SV2C: variants seen among roughly 807,000 people sequenced by gnomAD.
SV2C encodes the protein synaptic vesicle glycoprotein 2C.
SV2C carries 49 observed loss-of-function variants against 79.7 expected under a neutral mutation model. That is an observed-to-expected ratio of 0.61 (90% CI 0.49 to 0.78). SV2C has a LOEUF of 0.78. Among genes scored for constraint, SV2C ranks in the 30% least tolerant of loss-of-function variants. SV2C has a pLI of 0.00. For synonymous variants in SV2C, 334 were observed against 333.2 expected, an observed-to-expected ratio of 1.00 and a Z score of -0.03; for missense variants, 833 against 912.9, an observed-to-expected ratio of 0.91 and a Z score of 1.13.
intron 10 of SV2C, among the ~76,000 whole-genome samples, chr5:76,300,186 T>TATTA (rs1291235526): frequency 6.7e-6 from 1 of 148,678 alleles, no homozygotes; most frequent in Non-Finnish European, 1.5e-5. Flanking sequence ...TTATTATTAT[T>TATTA]ATTATTTTTG....
chr5:76,298,826 T>A lies in SV2C; in HGVS notation c.1535T>A (p.Phe512Tyr), dbSNP rs1304590120. Residue 512 changes from phenylalanine to tyrosine, a missense_variant, in exon 10 of 13, where the codon TTC becomes TAC. Physicochemically the swap from Phe to Tyr is conservative, Grantham distance 22. Coordinates refer to ENST00000502798, the MANE Select transcript of SV2C (RefSeq NM_014979.4). ...FIGVKFKSVT[F>Y]KDSVFKSCTF... The stretch of plus-strand genomic sequence containing the variant: ...GGGGTCAAGTTCAAATCTGTAACTT[T>A]CAAAGACTCTGTTTTTAAGTCCTGC... The A allele has an allele frequency of 1.2e-6, 2 of 1,613,866 alleles. No homozygotes were observed. Among genetic ancestry groups the A allele is most frequent in the African/African-American group, 2.7e-5 (2 of 74,922 alleles).
intron 1 of SV2C, among the ~76,000 whole-genome samples, chr5:76,107,400 A>T (rs1449478599): frequency 6.6e-6 from 1 of 152,240 alleles, no homozygotes; most frequent in Non-Finnish European, 1.5e-5. Context: ...TGCTGCCATG[A>T]AATACTGACT....
the SV2C span, among the ~76,000 whole-genome samples, chr5:76,037,209 A>C: frequency 2.0e-5 from 3 of 152,154 alleles, no homozygotes; most frequent in African/African-American, 7.2e-5. Context: ...CATAGCTCGG[A>C]GTAATTTGAT....
At chr5:76,071,965 T>C in the SV2C span, among the ~76,000 whole-genome samples, 1 of 152,188 alleles carries the variant, frequency 6.6e-6, no homozygotes, top group African/African-American at 2.4e-5. Context: ...CTATAAATCA[T>C]CTGGATACAG....
chr5:76,049,254 G>A, the SV2C span, among the ~76,000 whole-genome samples: 30 of 150,556 alleles, frequency 2.0e-4, no homozygotes, highest in African/African-American at 7.1e-4. Flanking sequence ...GGAGAATGGC[G>A]TGAACCCGGG....
At chr5:76,061,811 ACTTT>A in the SV2C span, among the ~76,000 whole-genome samples, 1 of 152,118 alleles carries the variant, frequency 6.6e-6, no homozygotes, top group Non-Finnish European at 1.5e-5. Context: ...TTCATTTGAA[ACTTT>A]CTTTCTAAAA....
chr5:75,898,756 G>C, the SV2C span, among the ~76,000 whole-genome samples: 3,246 of 152,180 alleles, frequency 0.021, 52 homozygotes, highest in South Asian at 0.04. Flanking sequence ...TCCTGTTATT[G>C]GTCTATTCAG....
chr5:76,261,339 T>G (rs565044450), intron 4 of SV2C, among the ~76,000 whole-genome samples: 83 of 152,328 alleles, frequency 5.4e-4, no homozygotes, highest in African/African-American at 1.9e-3. Context: ...AAGGAGTTTT[T>G]GGGCTGAGAC....
At chr5:76,226,977 A>G (rs1745267291) in intron 4 of SV2C, among the ~76,000 whole-genome samples, 2 of 152,120 alleles carry the variant, frequency 1.3e-5, no homozygotes, top group African/African-American at 2.4e-5. Context: ...CCAGAGAGAG[A>G]AAGAGCTTGG....
intron 4 of SV2C, among the ~76,000 whole-genome samples, chr5:76,250,949 G>A (rs11955259): frequency 0.047 from 7,087 of 151,998 alleles, 549 homozygotes; most frequent in African/African-American, 0.16. Flanking sequence ...AGTTACTTAC[G>A]ATCTGAAAAC....
At chr5:75,964,050 C>T in the SV2C span, among the ~76,000 whole-genome samples, 3 of 152,088 alleles carry the variant, frequency 2.0e-5, no homozygotes, top group Admixed American at 2.0e-4. Context: ...TCTTTGAGGA[C>T]ATTACAAGGG....
the SV2C span, among the ~76,000 whole-genome samples, chr5:75,985,978 C>T: frequency 6.6e-6 from 1 of 151,382 alleles, no homozygotes; most frequent in African/African-American, 2.4e-5. Context: ...AGGATAATCA[C>T]GTGTTTGTAT....
the SV2C span, among the ~76,000 whole-genome samples, chr5:76,037,384 C>T: frequency 7.4e-3 from 1,119 of 152,208 alleles, 17 homozygotes; most frequent in African/African-American, 0.026. Context: ...GTTTTATCTA[C>T]TTTTGGTCTT....
chr5:76,255,636 G>C (rs1217113014), intron 4 of SV2C, among the ~76,000 whole-genome samples: 1 of 152,138 alleles, frequency 6.6e-6, no homozygotes, highest in African/African-American at 2.4e-5. Context: ...CAGTCCGTGG[G>C]TTGCCATCAA....
the SV2C span, among the ~76,000 whole-genome samples, chr5:75,882,089 C>T: frequency 7.6e-6 from 1 of 132,190 alleles, no homozygotes; most frequent in Non-Finnish European, 1.6e-5. Flanking sequence ...TGTTTATATG[C>T]TGGACTACAT....
intron 4 of SV2C, among the ~76,000 whole-genome samples, chr5:76,260,558 G>A (rs1214764795): frequency 6.6e-6 from 1 of 152,128 alleles, no homozygotes; most frequent in African/African-American, 2.4e-5. Flanking sequence ...TTTTCTTCTA[G>A]GGTTTTTATG....
chr5:75,978,043 C>T, the SV2C span, among the ~76,000 whole-genome samples: 1 of 152,232 alleles, frequency 6.6e-6, no homozygotes. Flanking sequence ...ATATTTTGAC[C>T]TCTGATTATG....
chr5:76,209,673 C>G, intron 3 of SV2C, 63 bp from the exon 4 acceptor site: 3 of 1,529,344 alleles, frequency 2.0e-6, no homozygotes, highest in Non-Finnish European at 2.7e-6. Flanking sequence ...TTGGCTCTGC[C>G]CTTTGCGTCT....
Position 76,332,488 on chromosome 5 carries a change from T to C in SV2C, c.*6941T>C, listed in dbSNP as rs1210240409. On this transcript the variant is annotated 3_prime_UTR_variant, in exon 13 of 13. Coordinates refer to ENST00000502798, the MANE Select transcript of SV2C (RefSeq NM_014979.4). The stretch of plus-strand genomic sequence containing the variant: ...AAAAATTAAATAAGATTAGATAAAT[T>C]ATAGCTAAAAGCAAAGGCAACATAT... 2 of 152,160 alleles carry C rather than the reference T, an allele frequency of 1.3e-5. No homozygotes were observed. The highest frequency in any genetic ancestry group is 3.8e-4 in the East Asian group (2 of 5,200). 9.4% of individuals were successfully genotyped at this position (152,160 alleles called of 1,614,324 possible).
Sources: gnomAD v4.1 joint callset for allele counts (sites outside exome capture counted in the v4.1 genomes callset) on GRCh38, gnomAD v4.1.1 for gene constraint, MANE v1.5 for transcripts, NCBI Gene and HGNC (gene_info 2026-07-23, HGNC 2026-07-21) for gene names.